The following ADK variants were observed in gnomAD, a reference collection of about 807,000 sequenced individuals.
ADK encodes N6,N6-dimethyladenosine kinase.
In ADK, 24 loss-of-function variants were observed where a neutral mutation model predicts 44.7. That is an observed-to-expected ratio of 0.54 (90% CI 0.39 to 0.76). The LOEUF is 0.76. ADK is among the 30% of genes least tolerant of loss of function. The probability of loss-of-function intolerance (pLI) is 0.00; values close to 1 mark genes in which losing one functional copy is unlikely to be tolerated. For synonymous variants in ADK, 128 were observed against 142.6 expected (o/e 0.90, Z 0.73); for missense variants, 321 against 425.1 (o/e 0.76, Z 2.15).
chr10:74,574,209 C>T (rs1488607760), intron 7 of ADK, among the ~76,000 whole-genome samples: 1 of 151,080 alleles, frequency 6.6e-6, no homozygotes, highest in Non-Finnish European at 1.5e-5. Flanking sequence ...ACTCAGCCAC[C>T]AGGCTGGAGT....
rs369596628 is a variant in ADK, at chr10:74,389,877, G to A, written c.274-4264G>A. Among the ~76,000 whole-genome samples, 35 of 152,160 alleles carry A rather than the reference G, an allele frequency of 2.3e-4. 1 individual carries two copies. Among genetic ancestry groups the A allele is most frequent in the Middle Eastern group, 6.8e-3 (2 of 294 alleles). On this transcript the variant is annotated intron_variant, in intron 4 of 10. Coordinates refer to ENST00000539909, the MANE Select transcript of ADK (RefSeq NM_006721.4). ...TGATTATGGAGTAGTTAGTAAATCA[G>A]GTTTAAGCCTGACAGTGAGTTGATA...
intron 6 of ADK, among the ~76,000 whole-genome samples, chr10:74,484,071 G>A (rs900750832): frequency 5.3e-5 from 8 of 151,996 alleles, no homozygotes; most frequent in South Asian, 2.1e-4. Flanking sequence ...CCATTTTTCC[G>A]TATTAGTTTG....
chr10:74,155,198 T>C (rs1232790056), intron 1 of ADK, among the ~76,000 whole-genome samples: 8 of 152,130 alleles, frequency 5.3e-5, no homozygotes, highest in Non-Finnish European at 1.2e-4. Flanking sequence ...AAATTAAACC[T>C]AGGAGCTGGG....
rs538253024 is a variant in ADK, at chr10:74,470,040, T to C, written c.556-55216T>C. Among the ~76,000 whole-genome samples the C allele has an allele frequency of 2.5e-3, 374 of 151,114 alleles. 1 individual carries two copies. The highest frequency in any genetic ancestry group is 0.015 in the South Asian group (73 of 4,732). On this transcript the variant is annotated intron_variant, in intron 6 of 10. Coordinates refer to ENST00000539909, the MANE Select transcript of ADK (RefSeq NM_006721.4). ...ATATACCACCTTTTTTTTTTTTTTT[T>C]TTGAGATGGAGTCTTGCTGTGTCAC...
chr10:74,388,976 C>G (rs536012040), intron 4 of ADK, among the ~76,000 whole-genome samples: 11 of 152,182 alleles, frequency 7.2e-5, no homozygotes, highest in Non-Finnish European at 1.5e-4. Context: ...TGGAACTTGC[C>G]TCCTGGCAGA....
chr10:74,472,799 A>G (rs1846650732), intron 6 of ADK, among the ~76,000 whole-genome samples: 1 of 152,212 alleles, frequency 6.6e-6, no homozygotes. Context: ...TCTCATATAA[A>G]GAACTGATAT....
In ADK at chr10:74,605,543, C is replaced by T. The variant is rs186529365; in HGVS notation, c.877+5050C>T. Among the ~76,000 whole-genome samples, 402 of 152,120 alleles carry T rather than the reference C, an allele frequency of 2.6e-3. 4 individuals carry two copies. Among genetic ancestry groups the T allele is most frequent in the African/African-American group, 9.3e-3 (385 of 41,504 alleles). On this transcript the variant is annotated intron_variant, in intron 9 of 10. Coordinates refer to ENST00000539909, the MANE Select transcript of ADK (RefSeq NM_006721.4). The stretch of plus-strand genomic sequence containing the variant: ...TTGGTTCTGTTTATGTGATGGATTA[C>T]GTTTCTTAATTTGCGTATGTTGAAC...
chr10:74,341,527 CAAA>C (rs35233016), intron 4 of ADK, among the ~76,000 whole-genome samples: 8 of 61,576 alleles, frequency 1.3e-4, no homozygotes, highest in Admixed American at 5.5e-4. Context: ...GACTCCGTCT[CAAA>C]AAAAAAAAAA....
Position 74,567,702 on chromosome 10 carries a change from T to TG in ADK, c.727-21580_727-21579insG, listed in dbSNP as rs1850729783. 3.5e-5 allele frequency among the ~76,000 whole-genome samples: 3 copies of TG among 84,644 alleles called. No homozygotes were observed. In the South Asian group the frequency reaches 2.2e-3, roughly 63 times the overall value. The allele number at this position is 84,644 out of a possible 152,430, so 55.5% of individuals were successfully genotyped here. On this transcript the variant is annotated intron_variant, in intron 7 of 10. Transcript: ENST00000539909. ...CTCTGTTTTTTTTGTTTTTTTTGTTTTTTTTTTTTTTTTTGAGATGGAGTC... is the reference window on the plus strand; with the variant it reads ...CTCTGTTTTTTTTGTTTTTTTTGTTTGTTTTTTTTTTTTTTGAGATGGAGTC...
chr10:74,388,354 T>C (rs1267490820), intron 4 of ADK, among the ~76,000 whole-genome samples: 1 of 152,226 alleles, frequency 6.6e-6, no homozygotes, highest in Non-Finnish European at 1.5e-5. Flanking sequence ...CTAGTTCCTT[T>C]TCCTTTAATA....
intron 6 of ADK, among the ~76,000 whole-genome samples, chr10:74,421,067 G>A (rs1367196523): frequency 6.6e-6 from 1 of 152,076 alleles, no homozygotes; most frequent in Non-Finnish European, 1.5e-5. Flanking sequence ...AGGGATTTCA[G>A]GATAGAATGC....
At chr10:74,604,601 C>G (rs192203082) in intron 9 of ADK, among the ~76,000 whole-genome samples, 1 of 152,070 alleles carries the variant, frequency 6.6e-6, no homozygotes, top group Non-Finnish European at 1.5e-5. Context: ...CTGTTCTGTT[C>G]CATTGATCTA....
intron 6 of ADK, among the ~76,000 whole-genome samples, chr10:74,498,427 C>T (rs531868913): frequency 6.6e-6 from 1 of 152,164 alleles, no homozygotes; most frequent in Non-Finnish European, 1.5e-5. Context: ...AAGCTGTCTA[C>T]TATTCAACTC....
At chr10:74,320,791 T>C (rs1286423797) in intron 4 of ADK, among the ~76,000 whole-genome samples, 1 of 152,220 alleles carries the variant, frequency 6.6e-6, no homozygotes, top group Non-Finnish European at 1.5e-5. Context: ...TTTTTACTTC[T>C]CTAAATGTTA....
At chr10:74,383,689 A>G (rs1434337558) in intron 4 of ADK, among the ~76,000 whole-genome samples, 1 of 152,190 alleles carries the variant, frequency 6.6e-6, no homozygotes, top group Non-Finnish European at 1.5e-5. Flanking sequence ...GGTTTTATGA[A>G]GAGTGGAAGG....
At chr10:74,293,366 G>A (rs1839697335) in intron 3 of ADK, among the ~76,000 whole-genome samples, 4 of 151,792 alleles carry the variant, frequency 2.6e-5, no homozygotes, top group Admixed American at 2.6e-4. Flanking sequence ...ACATGAGTGG[G>A]GTTTATTCTA....
intron 6 of ADK, among the ~76,000 whole-genome samples, chr10:74,447,658 T>C (rs1845631742): frequency 6.6e-6 from 1 of 152,186 alleles, no homozygotes; most frequent in African/African-American, 2.4e-5. Flanking sequence ...GCTAATAATC[T>C]ACTACTCTTT....
intron 7 of ADK, among the ~76,000 whole-genome samples, chr10:74,548,483 A>G (rs1454470952): frequency 6.6e-6 from 1 of 152,116 alleles, no homozygotes; most frequent in Non-Finnish European, 1.5e-5. Flanking sequence ...TTCAGAAGGG[A>G]CACACGATAT....
intron 6 of ADK, among the ~76,000 whole-genome samples, chr10:74,480,568 C>G (rs1847031959): frequency 6.6e-6 from 1 of 152,092 alleles, no homozygotes; most frequent in Non-Finnish European, 1.5e-5. Context: ...CATGAGCCAC[C>G]ACACCCAGTC....
Sources: allele counts gnomAD v4.1 joint callset (sites outside exome capture counted in the v4.1 genomes callset), GRCh38; gene constraint gnomAD v4.1.1; transcripts MANE v1.5; gene names NCBI Gene and HGNC (gene_info 2026-07-23, HGNC 2026-07-21).